The following SYBU variants were observed in gnomAD, a reference collection of about 807,000 sequenced individuals.
SYBU encodes syntabulin.
SYBU carries 21 observed loss-of-function variants against 35.9 expected under a neutral mutation model. The ratio of observed to expected loss-of-function variants is 0.58; its 90% CI spans 0.41 to 0.84. SYBU has a LOEUF of 0.84. SYBU is among the 40% of genes least tolerant of loss of function. The pLI is 0.00. For missense variants in SYBU, 768 were observed against 848.2 expected (o/e 0.91, Z 1.17); for synonymous variants, 319 against 324.3 (o/e 0.98, Z 0.18).
intron 2 of SYBU, among the ~76,000 whole-genome samples, chr8:109,626,316 C>T (rs1812978322): frequency 6.6e-6 from 1 of 152,166 alleles, no homozygotes; most frequent in South Asian, 2.1e-4. Flanking sequence ...CAAAGATCAA[C>T]TAAATATTTG....
intron 2 of SYBU, among the ~76,000 whole-genome samples, chr8:109,636,650 T>C (rs1459013591): frequency 6.6e-6 from 1 of 152,186 alleles, no homozygotes; most frequent in East Asian, 1.9e-4. Context: ...CAGGGTATAC[T>C]CTTGGTATCA....
chr8:109,597,630 A>G (rs1212349882), intron 3 of SYBU, among the ~76,000 whole-genome samples: 8 of 151,924 alleles, frequency 5.3e-5, no homozygotes, highest in South Asian at 2.1e-4. Context: ...GGGAAGATCA[A>G]TTGAGCCCCG....
At chr8:109,646,619 T>G (rs902904539), upstream of SYBU, 13 of 152,340 alleles carry the variant, frequency 8.5e-5, no homozygotes, top group Admixed American at 8.5e-4. Context: ...ATACAACTTA[T>G]TATTCCTAAA....
chr8:109,619,513 T>C (rs1461490050), intron 2 of SYBU, among the ~76,000 whole-genome samples: 2 of 152,130 alleles, frequency 1.3e-5, no homozygotes, highest in Admixed American at 6.6e-5. Flanking sequence ...AATCATGAGC[T>C]ACCATGCCCG....
At chr8:109,576,070 ACTTT>A in intron 6 of SYBU, 57 bp from the exon 7 acceptor site, 1 of 1,299,100 alleles carries the variant, frequency 7.7e-7, no homozygotes, top group Non-Finnish European at 1.0e-6. Flanking sequence ...AAAAAAAAAA[ACTTT>A]CAACTGGGCA....
At chr8:109,684,124 T>C (rs1490785444), upstream of SYBU, among the ~76,000 whole-genome samples, 1 of 152,244 alleles carries the variant, frequency 6.6e-6, no homozygotes, top group Non-Finnish European at 1.5e-5. Context: ...AATCAGATTG[T>C]CTTTGGTGTT....
intron 1 of SYBU, among the ~76,000 whole-genome samples, chr8:109,688,637 G>A (rs1222224090): frequency 6.6e-6 from 1 of 151,552 alleles, no homozygotes; most frequent in African/African-American, 2.4e-5. Flanking sequence ...CATCAGTTTT[G>A]TTCTTTTTTT....
At chr8:109,675,731 T>A (rs950063232) in intron 1 of SYBU, among the ~76,000 whole-genome samples, 1 of 152,168 alleles carries the variant, frequency 6.6e-6, no homozygotes, top group Admixed American at 6.5e-5. Flanking sequence ...CTGGTACTGT[T>A]CCTTCTGAAA....
intron 2 of SYBU, among the ~76,000 whole-genome samples, chr8:109,625,453 C>T (rs1033361367): frequency 7.2e-5 from 11 of 152,162 alleles, no homozygotes; most frequent in African/African-American, 1.4e-4. Flanking sequence ...GACAGAGTCT[C>T]GCTCTGTTGC....
At chr8:109,639,110 T>C (rs1814567705) in intron 2 of SYBU, among the ~76,000 whole-genome samples, 1 of 152,238 alleles carries the variant, frequency 6.6e-6, no homozygotes, top group Non-Finnish European at 1.5e-5. Flanking sequence ...GAAATAGTTC[T>C]ATTCTTTTCA....
chr8:109,644,790 C>A lies in SYBU; in HGVS notation c.-131G>T, dbSNP rs1040517733. The stretch of plus-strand genomic sequence containing the variant: ...GCGGCGGCTCTTGGTGAGGCTCCAA[C>A]GCGCCGCCGCCGCCACTGCCGCCGA... On this transcript the variant is annotated 5_prime_UTR_variant, in exon 1 of 7. Coordinates refer to ENST00000276646, the MANE Select transcript of SYBU (RefSeq NM_001099754.2). 1.1e-6 allele frequency: 1 copy of A among 912,810 alleles called. No individual in the cohort carries two copies. The highest frequency in any genetic ancestry group is 1.5e-6 in the Non-Finnish European group (1 of 673,554). 56.5% of individuals were successfully genotyped at this position (912,810 alleles called of 1,614,324 possible). A position where few individuals can be genotyped will look rare whatever the true frequency, so the allele number is the denominator to read the frequency against.
intron 3 of SYBU, among the ~76,000 whole-genome samples, chr8:109,588,485 T>A (rs764436030): frequency 1.3e-5 from 2 of 152,206 alleles, no homozygotes; most frequent in Non-Finnish European, 2.9e-5. Context: ...GCAGCTGCAT[T>A]CAGGCCTATT....
intron 1 of SYBU, chr8:109,680,591 T>C (rs1320147818): frequency 6.6e-6 from 1 of 152,264 alleles, no homozygotes; most frequent in African/African-American, 2.4e-5. Flanking sequence ...TCAGCAACAT[T>C]TTATGAAATG....
chr8:109,594,155 T>C (rs973952947), intron 3 of SYBU, among the ~76,000 whole-genome samples: 1 of 152,078 alleles, frequency 6.6e-6, no homozygotes, highest in Non-Finnish European at 1.5e-5. Context: ...GCAGCACTAA[T>C]GGTGGTGCTG....
chr8:109,644,799 G>A lies in SYBU; in HGVS notation c.-140C>T. ...CTTGGTGAGGCTCCAACGCGCCGCC[G>A]CCGCCACTGCCGCCGATTGCTCTGG... is the stretch of plus-strand genomic sequence containing the variant. On this transcript the variant is annotated 5_prime_UTR_variant, in exon 1 of 7. Coordinates refer to ENST00000276646, the MANE Select transcript of SYBU (RefSeq NM_001099754.2). 1.3e-6 allele frequency: 1 copy of A among 782,830 alleles called. No homozygotes were observed. The highest frequency in any genetic ancestry group is 1.8e-6 in the Non-Finnish European group (1 of 556,676). The allele number at this position is 782,830 out of a possible 1,614,324, so 48.5% of individuals were successfully genotyped here.
chr8:109,610,089 C>T (rs1811002507), intron 3 of SYBU, among the ~76,000 whole-genome samples: 1 of 152,166 alleles, frequency 6.6e-6, no homozygotes, highest in Non-Finnish European at 1.5e-5. Context: ...CACCTGCCAC[C>T]CCATCCCCAA....
intron 3 of SYBU, among the ~76,000 whole-genome samples, chr8:109,600,411 A>T (rs1825385829): frequency 6.6e-6 from 1 of 152,196 alleles, no homozygotes; most frequent in Non-Finnish European, 1.5e-5. Flanking sequence ...GGATACCAGC[A>T]TGCAAAAACC....
chr8:109,601,334 T>G (rs78211891), intron 3 of SYBU, among the ~76,000 whole-genome samples: 1 of 152,260 alleles, frequency 6.6e-6, no homozygotes, highest in East Asian at 1.9e-4. Context: ...ATCCTTGTGA[T>G]CAGAATTCAC....
chr8:109,585,309 T>C (rs1233073524), intron 4 of SYBU, among the ~76,000 whole-genome samples: 2 of 152,188 alleles, frequency 1.3e-5, no homozygotes, highest in Non-Finnish European at 2.9e-5. Context: ...ATGGAGAGAA[T>C]TGGTTGATGC....
Sources: allele counts gnomAD v4.1 joint callset (sites outside exome capture counted in the v4.1 genomes callset), GRCh38; gene constraint gnomAD v4.1.1; transcripts MANE v1.5; gene names NCBI Gene and HGNC (gene_info 2026-07-23, HGNC 2026-07-21).